ADAM12: variants seen among roughly 807,000 people sequenced by gnomAD.
ADAM12 encodes disintegrin and metalloproteinase domain-containing protein 12.
In ADAM12, 70 loss-of-function variants were observed where a neutral mutation model predicts 106.4. The observed-to-expected ratio is 0.66, with a 90% CI of 0.54 to 0.80. The LOEUF is 0.80. Ranked by LOEUF, ADAM12 falls within the 30% of genes least tolerant of loss-of-function variation. ADAM12 has a pLI of 0.00. For missense variants in ADAM12, 1,010 were observed against 1,171.9 expected (o/e 0.86, Z 2.02); for synonymous variants, 420 against 433.5 (o/e 0.97, Z 0.39).
chr10:126,071,365 T>G, intron 12 of ADAM12, 112 bp downstream of exon 12: 2 of 1,342,410 alleles, frequency 1.5e-6, no homozygotes, highest in Non-Finnish European at 2.1e-6. Flanking sequence ...GGACTCTTCC[T>G]TCCTGAGTTC....
chr10:126,169,717 T>C (rs1323919761), intron 3 of ADAM12, among the ~76,000 whole-genome samples: 4 of 152,212 alleles, frequency 2.6e-5, no homozygotes, highest in South Asian at 2.1e-4. Flanking sequence ...TAAGGTAGAA[T>C]AGAAAATATA....
At chr10:126,017,969 A>G (rs1953691037) in intron 22 of ADAM12, among the ~76,000 whole-genome samples, 1 of 152,258 alleles carries the variant, frequency 6.6e-6, no homozygotes, top group East Asian at 1.9e-4. Flanking sequence ...CAAATAGAAC[A>G]AGAAAAATAA....
chr10:126,020,356 G>C (rs1953740723), intron 21 of ADAM12, among the ~76,000 whole-genome samples: 1 of 149,734 alleles, frequency 6.7e-6, no homozygotes, highest in Non-Finnish European at 1.5e-5. Context: ...TCTTCCACTA[G>C]ATACTTTCTC....
chr10:126,130,193 T>A (rs199812810), intron 5 of ADAM12, among the ~76,000 whole-genome samples: 1 of 149,240 alleles, frequency 6.7e-6, no homozygotes, highest in African/African-American at 2.5e-5. Flanking sequence ...GTTGCATTTT[T>A]TTTTTTCCTT....
intron 2 of ADAM12, among the ~76,000 whole-genome samples, chr10:126,282,874 G>A (rs911264330): frequency 2.0e-5 from 3 of 152,114 alleles, no homozygotes; most frequent in Non-Finnish European, 4.4e-5. Context: ...GGGGCTGGGG[G>A]TGGGGGATGG....
chr10:126,145,428 C>G, intron 4 of ADAM12: 1 of 152,552 alleles, frequency 6.6e-6, no homozygotes, highest in South Asian at 2.1e-4. Context: ...AACGTATAAC[C>G]AAGACTCAGT....
intron 3 of ADAM12, among the ~76,000 whole-genome samples, chr10:126,275,776 C>T (rs1157203357): frequency 1.3e-5 from 2 of 152,112 alleles, no homozygotes; most frequent in African/African-American, 4.8e-5. Flanking sequence ...TTCTTTTCAA[C>T]CATTATCAAG....
chr10:126,156,245 T>G (rs575351057), intron 3 of ADAM12, among the ~76,000 whole-genome samples: 1 of 152,274 alleles, frequency 6.6e-6, no homozygotes, highest in Admixed American at 6.5e-5. Context: ...AACAGAGTCC[T>G]TCTGAGGCAG....
At position 126,138,606 on chromosome 10, in the gene ADAM12, C is replaced by G. The variant is rs182246538; in HGVS notation, c.340-2946G>C. Among the ~76,000 whole-genome samples the G allele has an allele frequency of 3.9e-5, 6 of 152,246 alleles. 1 individual carries two copies. Among genetic ancestry groups the G allele is most frequent in the African/African-American group, 1.4e-4 (6 of 41,544 alleles). ...GGCCAGGCTGGTCTTGAACTACTGACCTCAAGCAATCTGCCTGCCTTGGCC... is the reference window on the plus strand; with the variant it reads ...GGCCAGGCTGGTCTTGAACTACTGAGCTCAAGCAATCTGCCTGCCTTGGCC... On this transcript the variant is annotated intron_variant, in intron 4 of 22. Coordinates refer to ENST00000448723, the MANE Select transcript of ADAM12 (RefSeq NM_001288973.2).
At chr10:126,134,051 G>T (rs1225454600) in intron 5 of ADAM12, among the ~76,000 whole-genome samples, 1 of 152,168 alleles carries the variant, frequency 6.6e-6, no homozygotes, top group Admixed American at 6.5e-5. Flanking sequence ...CGTGCCCCCA[G>T]AACCTAGAAC....
intron 12 of ADAM12, 96 bp downstream of exon 12, chr10:126,071,381 C>A: frequency 6.9e-7 from 1 of 1,457,468 alleles, no homozygotes; most frequent in Non-Finnish European, 9.4e-7. Flanking sequence ...AGTTCTAGTA[C>A]TTTCATCTGG....
intron 3 of ADAM12, among the ~76,000 whole-genome samples, chr10:126,170,767 TACA>T (rs1295928921): frequency 6.6e-6 from 1 of 152,254 alleles, no homozygotes; most frequent in African/African-American, 2.4e-5. Flanking sequence ...TTAAAGAAAC[TACA>T]ACAAGAAGTA....
At chr10:126,269,816 C>T (rs1231845842) in intron 3 of ADAM12, among the ~76,000 whole-genome samples, 2 of 152,190 alleles carry the variant, frequency 1.3e-5, no homozygotes, top group Non-Finnish European at 2.9e-5. Context: ...CTTCCAGCTT[C>T]AAAGAGTTCA....
chr10:126,210,364 C>T (rs543480847), intron 3 of ADAM12, among the ~76,000 whole-genome samples: 1 of 152,228 alleles, frequency 6.6e-6, no homozygotes, highest in African/African-American at 2.4e-5. Flanking sequence ...ACAGCCCCTA[C>T]AGCAATTTCT....
chr10:126,244,315 G>A (rs1413358572), intron 3 of ADAM12, among the ~76,000 whole-genome samples: 8 of 152,190 alleles, frequency 5.3e-5, no homozygotes, highest in South Asian at 2.1e-4. Context: ...GCTTGGGTCC[G>A]TGACCACACA....
chr10:126,311,597 C>T (rs777337469), intron 2 of ADAM12, among the ~76,000 whole-genome samples: 2 of 151,948 alleles, frequency 1.3e-5, no homozygotes, highest in Non-Finnish European at 2.9e-5. Context: ...TCCAGCCCAC[C>T]CCCATCCTCT....
At chr10:126,124,895 CA>C (rs376810493) in intron 5 of ADAM12, among the ~76,000 whole-genome samples, 1,204 of 85,972 alleles carry the variant, frequency 0.014, 12 homozygotes, top group African/African-American at 0.018. Context: ...GACACCGTCT[CA>C]AAAAAAAAAA....
chr10:126,303,775 A>G (rs1444541415), intron 2 of ADAM12, among the ~76,000 whole-genome samples: 4 of 152,174 alleles, frequency 2.6e-5, no homozygotes, highest in Non-Finnish European at 2.9e-5. Context: ...ATTCATTGTA[A>G]GGTGATGCCT....
chr10:126,179,380 AT>A (rs1383992595), intron 3 of ADAM12, among the ~76,000 whole-genome samples: 1 of 152,224 alleles, frequency 6.6e-6, no homozygotes, highest in East Asian at 1.9e-4. Flanking sequence ...TTCTTTACAC[AT>A]TGGGCTCAAA....
Sources: allele counts gnomAD v4.1 joint callset (sites outside exome capture counted in the v4.1 genomes callset), GRCh38; gene constraint gnomAD v4.1.1; transcripts MANE v1.5; gene names NCBI Gene and HGNC (gene_info 2026-07-23, HGNC 2026-07-21).